Variants in AKAP6 observed in about 807,000 individuals in gnomAD.
AKAP6 encodes A-kinase anchor protein 6.
AKAP6 carries 58 observed loss-of-function variants against 188.5 expected under a neutral mutation model. The ratio of observed to expected loss-of-function variants is 0.31; its 90% CI spans 0.25 to 0.38. The LOEUF (loss-of-function observed/expected upper bound fraction) is 0.38, where lower values mean the gene tolerates loss of function less well. Ranked by LOEUF, AKAP6 falls within the 10% of genes least tolerant of loss-of-function variation. The pLI is 1.00. For missense variants in AKAP6, 2,710 were observed against 2,740.0 expected (o/e 0.99, Z 0.24); for synonymous variants, 989 against 998.6 (o/e 0.99, Z 0.18).
intron 7 of AKAP6, among the ~76,000 whole-genome samples, chr14:32,629,057 G>T (rs1270751249): frequency 1.3e-5 from 2 of 152,026 alleles, no homozygotes; most frequent in African/African-American, 4.8e-5. Flanking sequence ...ACTCCTCCAG[G>T]AACAAAAGAA....
At chr14:32,541,696 A>G (rs1434990448) in intron 3 of AKAP6, among the ~76,000 whole-genome samples, 1 of 152,224 alleles carries the variant, frequency 6.6e-6, no homozygotes, top group Non-Finnish European at 1.5e-5. Flanking sequence ...TTGGAATTTA[A>G]CCATCGTTTT....
intron 11 of AKAP6, among the ~76,000 whole-genome samples, chr14:32,742,090 G>C (rs1159008579): frequency 5.9e-5 from 9 of 151,476 alleles, no homozygotes; most frequent in Non-Finnish European, 1.3e-4. Context: ...TTTCTTCCTG[G>C]TTCAATCTTG....
chr14:32,764,111 CTTT>C (rs2032629219), intron 11 of AKAP6, among the ~76,000 whole-genome samples: 1 of 152,080 alleles, frequency 6.6e-6, no homozygotes, highest in Non-Finnish European at 1.5e-5. Flanking sequence ...TTAATCTCTT[CTTT>C]ATTATTTATA....
At chr14:32,342,741 T>C (rs1232797513) in intron 1 of AKAP6, among the ~76,000 whole-genome samples, 3 of 152,134 alleles carry the variant, frequency 2.0e-5, no homozygotes, top group African/African-American at 4.8e-5. Context: ...GAACAAGAGA[T>C]GTGTTATCCT....
intron 2 of AKAP6, among the ~76,000 whole-genome samples, chr14:32,455,196 G>A (rs567509638): frequency 6.6e-6 from 1 of 151,734 alleles, no homozygotes; most frequent in Non-Finnish European, 1.5e-5. Flanking sequence ...TGCCCAGGCT[G>A]GTCTCAAGCA....
At chr14:32,385,816 C>A (rs1888515239) in intron 1 of AKAP6, among the ~76,000 whole-genome samples, 1 of 149,774 alleles carries the variant, frequency 6.7e-6, no homozygotes, top group Admixed American at 6.7e-5. Flanking sequence ...ATATCGTATT[C>A]CTATATATGG....
chr14:32,370,901 G>C (rs761554893), intron 1 of AKAP6, among the ~76,000 whole-genome samples: 4 of 152,168 alleles, frequency 2.6e-5, no homozygotes, highest in African/African-American at 9.7e-5. Context: ...AGGAAGAGGA[G>C]TGACTCATTA....
chr14:32,804,579 G>T (rs1340645110), intron 12 of AKAP6, among the ~76,000 whole-genome samples: 1 of 152,162 alleles, frequency 6.6e-6, no homozygotes, highest in African/African-American at 2.4e-5. Context: ...ACTGATAAGG[G>T]TCTATGTTCA....
intron 8 of AKAP6, among the ~76,000 whole-genome samples, chr14:32,681,610 G>A (rs544578502): frequency 6.6e-6 from 1 of 151,930 alleles, no homozygotes; most frequent in African/African-American, 2.4e-5. Context: ...CCACACAGAA[G>A]TTTGGGCAAA....
intron 3 of AKAP6, among the ~76,000 whole-genome samples, chr14:32,540,842 G>A (rs1004550390): frequency 6.7e-6 from 1 of 148,430 alleles, no homozygotes; most frequent in Non-Finnish European, 1.5e-5. Flanking sequence ...ACTATATACT[G>A]TTTTTGGTTT....
At chr14:32,677,802 G>T (rs980008157) in intron 7 of AKAP6, among the ~76,000 whole-genome samples, 1 of 152,180 alleles carries the variant, frequency 6.6e-6, no homozygotes. Context: ...AAATTATTAA[G>T]ACAGTAACAC....
intron 11 of AKAP6, 136 bp from the exon 12 acceptor site, chr14:32,773,542 T>A: frequency 2.4e-6 from 2 of 816,360 alleles, no homozygotes; most frequent in Non-Finnish European, 3.9e-6. Flanking sequence ...AAAAGGGACA[T>A]CAGAGCTCTT....
At chr14:32,611,171 G>A (rs1182182545) in intron 7 of AKAP6, among the ~76,000 whole-genome samples, 1 of 152,136 alleles carries the variant, frequency 6.6e-6, no homozygotes, top group Non-Finnish European at 1.5e-5. Flanking sequence ...GGTTAACGAT[G>A]ACTTAAAGGA....
At chr14:32,594,237 A>C (rs376391290) in intron 5 of AKAP6, among the ~76,000 whole-genome samples, 3 of 152,344 alleles carry the variant, frequency 2.0e-5, no homozygotes, top group East Asian at 3.9e-4. Flanking sequence ...ATAAGATCAG[A>C]CCATGGTAAC....
intron 2 of AKAP6, among the ~76,000 whole-genome samples, chr14:32,450,045 G>A (rs1890888138): frequency 6.6e-6 from 1 of 152,170 alleles, no homozygotes; most frequent in Non-Finnish European, 1.5e-5. Context: ...AAAGCCCCCA[G>A]GATTTGGAGA....
chr14:32,424,651 C>G (rs561222789), intron 1 of AKAP6, among the ~76,000 whole-genome samples: 2 of 152,250 alleles, frequency 1.3e-5, no homozygotes, highest in African/African-American at 2.4e-5. Flanking sequence ...TCTCCCTCCC[C>G]CTACTCTCTA....
intron 2 of AKAP6, among the ~76,000 whole-genome samples, chr14:32,510,931 G>A (rs931398655): frequency 2.0e-5 from 3 of 152,110 alleles, no homozygotes; most frequent in African/African-American, 7.2e-5. Context: ...CTTGAGCTTT[G>A]CACCAACCTG....
chr14:32,371,950 T>C lies in AKAP6; in HGVS notation c.-35+42542T>C, dbSNP rs567122076. Among the ~76,000 whole-genome samples the C allele has an allele frequency of 2.0e-5, 3 of 152,268 alleles. No individual in the cohort carries two copies. In the South Asian group the frequency reaches 6.2e-4, roughly 32 times the overall value. On this transcript the variant is annotated intron_variant, in intron 1 of 13. Transcript: ENST00000280979. ...TTTCTCTTTCTCTCTCTACTTCTCT[T>C]TTCTTTCTTCTCTCCTTCTCCCTCT...
At chr14:32,438,960 T>G (rs888511781) in intron 2 of AKAP6, 1 of 152,164 alleles carries the variant, frequency 6.6e-6, no homozygotes, top group Non-Finnish European at 1.5e-5. Context: ...CTAGCTAGCA[T>G]AGGCTAAATG....
Sources: allele counts gnomAD v4.1 joint callset (sites outside exome capture counted in the v4.1 genomes callset), GRCh38; gene constraint gnomAD v4.1.1; transcripts MANE v1.5; gene names NCBI Gene and HGNC (gene_info 2026-07-23, HGNC 2026-07-21).